TMCC2: variants seen among roughly 807,000 people sequenced by gnomAD.
TMCC2 encodes the protein transmembrane and coiled-coil domain family 2, also known as transmembrane and coiled-coil domains protein 2.
In TMCC2, 16 loss-of-function variants were observed where a neutral mutation model predicts 49.4. That is an observed-to-expected ratio of 0.32 (90% CI 0.22 to 0.49). The LOEUF (loss-of-function observed/expected upper bound fraction) is 0.49. Among genes scored for constraint, TMCC2 ranks in the 20% least tolerant of loss-of-function variants. The pLI is 0.99. For synonymous variants in TMCC2, 397 were observed against 434.1 expected (o/e 0.91, Z 1.06); for missense variants, 762 against 989.8 (o/e 0.77, Z 3.09).
chr1:205,268,353 C>T (rs1661431848), intron 2 of TMCC2, among the ~76,000 whole-genome samples: 2 of 152,198 alleles, frequency 1.3e-5, no homozygotes, highest in South Asian at 4.1e-4. Flanking sequence ...GTGGCTCACA[C>T]CTGTAATCCC....
intron 2 of TMCC2, among the ~76,000 whole-genome samples, chr1:205,261,853 C>A (rs890608762): frequency 3.3e-5 from 5 of 152,170 alleles, no homozygotes; most frequent in African/African-American, 1.2e-4. Context: ...CCAACTCCAA[C>A]TTTAAAGCCC....
chr1:205,241,774 C>T lies in TMCC2; in HGVS notation c.477C>T (p.Pro159=), dbSNP rs904511360. ...TGCTGCAGCAGATCCGCTCCCGGCC[C>T]TCCATCAAGCGGGGCGCCAGCCTGC... ...NRVLQQIRSR[P]SIKRGASLHS... is the part of the protein sequence containing the mutation. Residue 159 remains proline (P), a synonymous_variant, in exon 2 of 5, where the codon CCC becomes CCT. Transcript: ENST00000358024. The surrounding 1 kb of genome is among the most constrained non-coding windows in gnomAD (Gnocchi z 7.3). 2.5e-6 allele frequency: 4 copies of T among 1,610,230 alleles called. No homozygotes were observed. The African/African-American group carries it at 4.0e-5, about 16-fold the overall frequency.
At chr1:205,259,430 C>T (rs1202537826) in intron 2 of TMCC2, among the ~76,000 whole-genome samples, 1 of 152,222 alleles carries the variant, frequency 6.6e-6, no homozygotes. Context: ...GCAGCTGTTT[C>T]TGTGGTCTAT....
rs144151238 is a variant in TMCC2, at chr1:205,228,679, A to G, written c.115A>G (p.Thr39Ala). The G allele has an allele frequency of 1.2e-5, 19 of 1,612,786 alleles. No homozygotes were observed. Among genetic ancestry groups the G allele is most frequent in the African/African-American group, 8.0e-5 (6 of 74,912 alleles). ...CGCGGACCTCCGGCCTGGGGAGACCACGGGTGCTAACTCTGCTGGCGGGCC... is the reference window on the plus strand; with the variant it reads ...CGCGGACCTCCGGCCTGGGGAGACCGCGGGTGCTAACTCTGCTGGCGGGCC... ...PGADLRPGETTGANSAGGPTS... is the reference protein window; with the variant it reads ...PGADLRPGETAGANSAGGPTS... The change falls in exon 1 of 5, where the codon ACG (threonine) becomes GCG (alanine). Residue 39 changes from threonine to alanine, a missense_variant. Thr to Ala is a moderately conservative substitution (Grantham distance 58, BLOSUM62 0). Transcript: ENST00000358024.
chr1:205,233,157 A>C (rs1369780477), intron 1 of TMCC2, among the ~76,000 whole-genome samples: 1 of 152,124 alleles, frequency 6.6e-6, no homozygotes. Context: ...GGAAGAATTG[A>C]GTCTTTCCTG....
intron 2 of TMCC2, chr1:205,267,875 C>T: frequency 1.0e-6 from 1 of 985,334 alleles, no homozygotes; most frequent in Non-Finnish European, 1.2e-6. Context: ...TAGCCTCAGG[C>T]CCCCAAACTG....
In TMCC2 at chr1:205,264,505, G is replaced by A. The variant is rs61823997; in HGVS notation, c.748-4445G>A. ...AGTTAATTTTGTTTTTTTTTTTTGG[G>A]ACGGAGTCTCGCTCTGTTGCCCAGG... On this transcript the variant is annotated intron_variant, in intron 2 of 4. Coordinates refer to ENST00000358024, the MANE Select transcript of TMCC2 (RefSeq NM_014858.4). The surrounding 1 kb of genome is among the most constrained non-coding windows in gnomAD (Gnocchi z 4.2). Among the ~76,000 whole-genome samples the A allele has an allele frequency of 6.7e-6, 1 of 150,114 alleles. No homozygotes were observed. The highest frequency in any genetic ancestry group is 2.1e-4 in the South Asian group (1 of 4,730).
chr1:205,272,377 G>A lies in TMCC2; in HGVS notation c.*253G>A, dbSNP rs1661635793. ...GCCAAGTGGAGCAGAGGTGGACATG[G>A]GGTTGGATTGTTTTGATTATTTATA... On this transcript the variant is annotated 3_prime_UTR_variant, in exon 5 of 5. Transcript: ENST00000358024. 4 of 634,720 alleles carry A rather than the reference G, an allele frequency of 6.3e-6. No individual in the cohort carries two copies. Among genetic ancestry groups the A allele is most frequent in the Non-Finnish European group, 1.0e-5 (4 of 385,384 alleles). 39.3% of individuals were successfully genotyped at this position (634,720 alleles called of 1,614,324 possible). A position where few individuals can be genotyped will look rare whatever the true frequency, so the allele number is the denominator to read the frequency against.
rs1660277461 is a variant in TMCC2, at chr1:205,241,788, G to A, written c.491G>A (p.Gly164Asp). The A allele has an allele frequency of 3.7e-6, 6 of 1,607,486 alleles. No individual in the cohort carries two copies. The highest frequency in any genetic ancestry group is 5.1e-6 in the Non-Finnish European group (6 of 1,178,366). The change falls in exon 2 of 5, where the codon GGC becomes GAC. Residue 164 changes from glycine (G) to aspartate (D), a missense_variant. Physicochemically the swap from Gly to Asp is moderately conservative, Grantham distance 94. Around this residue, in one of 2 missense-constraint regions of TMCC2, gnomAD observed 322 missense variants for 353.1 expected, o/e 0.91. Transcript: ENST00000358024. The surrounding 1 kb of genome is among the most constrained non-coding windows in gnomAD (Gnocchi z 7.3). ...CGCTCCCGGCCCTCCATCAAGCGGG[G>A]CGCCAGCCTGCACAGCAGCAGTGGG... is the stretch of plus-strand genomic sequence containing the variant. The part of the protein sequence containing the change: ...QIRSRPSIKR[G>D]ASLHSSSGGG...
chr1:205,233,476 C>G (rs371731743), intron 1 of TMCC2, among the ~76,000 whole-genome samples: 3 of 152,310 alleles, frequency 2.0e-5, no homozygotes, highest in Admixed American at 6.5e-5. Flanking sequence ...AAAGTCACAA[C>G]TGAGTCCTGT....
At chr1:205,246,777 G>C (rs1263316038) in intron 2 of TMCC2, 74 of 1,398,394 alleles carry the variant, frequency 5.3e-5, no homozygotes, top group Non-Finnish European at 7.0e-5. Flanking sequence ...TTATGAGGAG[G>C]GAAAACGTGA....
At chr1:205,260,430 C>T (rs909434602) in intron 2 of TMCC2, among the ~76,000 whole-genome samples, 11 of 152,292 alleles carry the variant, frequency 7.2e-5, no homozygotes, top group South Asian at 4.1e-4. Flanking sequence ...ACCAGCTGCA[C>T]GACAGGGGTA....
chr1:205,251,866 A>G lies in TMCC2; in HGVS notation c.747+9822A>G, dbSNP rs76133172. On this transcript the variant is annotated intron_variant, in intron 2 of 4. Coordinates refer to ENST00000358024, the MANE Select transcript of TMCC2 (RefSeq NM_014858.4). Reference sequence around the variant, plus strand: ...TCGTTTAGTCACGTCAGCTCATGGTATGCTCTGAGCCCTTGAGTCAGCAGG... The same window carrying G: ...TCGTTTAGTCACGTCAGCTCATGGTGTGCTCTGAGCCCTTGAGTCAGCAGG... 6.3e-3 allele frequency among the ~76,000 whole-genome samples: 957 copies of G among 152,312 alleles called. 8 individuals are homozygous for G. Among genetic ancestry groups the G allele is most frequent in the Non-Finnish European group, 9.6e-3 (653 of 68,020 alleles).
chr1:205,246,477 G>A, intron 2 of TMCC2: 1 of 1,433,998 alleles, frequency 7.0e-7, no homozygotes, highest in Non-Finnish European at 9.2e-7. Flanking sequence ...CATATAGATA[G>A]TATTTAAAAT....
intron 2 of TMCC2, among the ~76,000 whole-genome samples, chr1:205,253,632 C>T (rs1486009318): frequency 6.6e-6 from 1 of 152,268 alleles, no homozygotes; most frequent in Non-Finnish European, 1.5e-5. Flanking sequence ...ATGTGGCTTA[C>T]TCCACAGCTC....
At chr1:205,250,996 A>G (rs1310896177) in intron 2 of TMCC2, among the ~76,000 whole-genome samples, 1 of 152,174 alleles carries the variant, frequency 6.6e-6, no homozygotes, top group Non-Finnish European at 1.5e-5. Context: ...GAGATGAGAA[A>G]CGTGACCCCA....
At chr1:205,267,511 G>A (rs1457202521) in intron 2 of TMCC2, among the ~76,000 whole-genome samples, 1 of 152,040 alleles carries the variant, frequency 6.6e-6, no homozygotes, top group African/African-American at 2.4e-5. Flanking sequence ...AAAATACATG[G>A]GGTTGAGCCA....
chr1:205,235,684 T>C (rs1156671027), intron 1 of TMCC2, among the ~76,000 whole-genome samples: 2 of 152,220 alleles, frequency 1.3e-5, no homozygotes, highest in African/African-American at 2.4e-5. Context: ...AGGGTCCACC[T>C]TTGTCAGCCA....
chr1:205,251,262 A>G (rs758361061), intron 2 of TMCC2, among the ~76,000 whole-genome samples: 3 of 152,178 alleles, frequency 2.0e-5, no homozygotes, highest in Admixed American at 6.5e-5. Context: ...TTCTGGGGAC[A>G]GCCTTTTCCT....
Sources: allele counts gnomAD v4.1 joint callset (sites outside exome capture counted in the v4.1 genomes callset), GRCh38; gene constraint gnomAD v4.1.1; regional missense constraint gnomAD v4.1.1; non-coding constraint Gnocchi (gnomAD v3.1); transcripts MANE v1.5; gene names NCBI Gene and HGNC (gene_info 2026-07-23, HGNC 2026-07-21).